RPS6KC1: variants seen among roughly 807,000 people sequenced by gnomAD.
RPS6KC1 encodes the protein ribosomal protein S6 kinase C1.
RPS6KC1 carries 54 observed loss-of-function variants against 103.8 expected under a neutral mutation model. That is an observed-to-expected ratio of 0.52 (90% CI 0.42 to 0.65). The LOEUF is 0.65. Ranked by LOEUF, RPS6KC1 falls within the 30% of genes least tolerant of loss-of-function variation. The pLI, the probability that RPS6KC1 is intolerant of heterozygous loss-of-function variation, is 0.00. For synonymous variants in RPS6KC1, 439 were observed against 438.7 expected, an observed-to-expected ratio of 1.00 and a Z score of -0.01; for missense variants, 1,151 against 1,253.8, an observed-to-expected ratio of 0.92 and a Z score of 1.24.
chr1:213,690,665 C>A, the RPS6KC1 span, among the ~76,000 whole-genome samples: 1 of 152,144 alleles, frequency 6.6e-6, no homozygotes, highest in Non-Finnish European at 1.5e-5. Context: ...CTGATTGTGA[C>A]TCTATTTGTT....
At chr1:213,841,645 T>C in the RPS6KC1 span, among the ~76,000 whole-genome samples, 1 of 152,148 alleles carries the variant, frequency 6.6e-6, no homozygotes, top group Non-Finnish European at 1.5e-5. Flanking sequence ...GTTTTATCCC[T>C]CATAGACATG....
At chr1:213,571,483 A>C in the RPS6KC1 span, among the ~76,000 whole-genome samples, 13 of 152,166 alleles carry the variant, frequency 8.5e-5, no homozygotes, top group East Asian at 1.9e-4. Flanking sequence ...TGGGTCAAGC[A>C]CATGGCATGG....
chr1:213,734,417 T>C, the RPS6KC1 span, among the ~76,000 whole-genome samples: 1 of 149,732 alleles, frequency 6.7e-6, no homozygotes, highest in Non-Finnish European at 1.5e-5. Flanking sequence ...TCTTAGCTTT[T>C]ACTAATATGT....
the RPS6KC1 span, among the ~76,000 whole-genome samples, chr1:213,292,373 C>T: frequency 6.6e-6 from 1 of 152,146 alleles, no homozygotes; most frequent in Non-Finnish European, 1.5e-5. Flanking sequence ...ATCTGAACCC[C>T]TACATTATAA....
the RPS6KC1 span, among the ~76,000 whole-genome samples, chr1:213,493,756 T>C: frequency 6.6e-6 from 1 of 152,132 alleles, no homozygotes; most frequent in Non-Finnish European, 1.5e-5. Context: ...GAATGAGAGA[T>C]TGTGGAGGAG....
the RPS6KC1 span, among the ~76,000 whole-genome samples, chr1:213,687,296 A>G: frequency 6.6e-6 from 1 of 152,178 alleles, no homozygotes; most frequent in African/African-American, 2.4e-5. Flanking sequence ...CCTGTTATAG[A>G]GAGGCTTAAA....
the RPS6KC1 span, among the ~76,000 whole-genome samples, chr1:213,569,800 A>G: frequency 5.9e-5 from 9 of 152,192 alleles, no homozygotes; most frequent in African/African-American, 1.9e-4. Context: ...TTAATCATTC[A>G]ACAAACAGGT....
intron 1 of RPS6KC1, among the ~76,000 whole-genome samples, chr1:213,068,483 CAAAA>C (rs71147057): frequency 4.4e-4 from 16 of 36,350 alleles, no homozygotes; most frequent in African/African-American, 1.4e-3. Context: ...GACTCTGTCT[CAAAA>C]AAAAAAAAAA....
chr1:213,766,477 T>A, the RPS6KC1 span, among the ~76,000 whole-genome samples: 256 of 152,316 alleles, frequency 1.7e-3, 2 homozygotes, highest in African/African-American at 5.8e-3. Flanking sequence ...CACAGGATTT[T>A]TCCAGTGTAC....
intron 12 of RPS6KC1, among the ~76,000 whole-genome samples, chr1:213,249,132 T>C (rs1268679135): frequency 6.6e-6 from 1 of 152,234 alleles, no homozygotes; most frequent in Non-Finnish European, 1.5e-5. Context: ...GTAATGCTTT[T>C]TATTTTTCGT....
the RPS6KC1 span, among the ~76,000 whole-genome samples, chr1:213,442,674 A>G: frequency 1.3e-5 from 2 of 152,184 alleles, no homozygotes; most frequent in Middle Eastern, 3.2e-3. Flanking sequence ...TTGTTTTGCC[A>G]TGGTGGTTGG....
chr1:213,549,220 G>T, the RPS6KC1 span, among the ~76,000 whole-genome samples: 1 of 152,174 alleles, frequency 6.6e-6, no homozygotes, highest in South Asian at 2.1e-4. Context: ...GGGTGCAGAA[G>T]GCAGGGACCC....
At chr1:213,204,743 C>T (rs2093285966) in intron 8 of RPS6KC1, among the ~76,000 whole-genome samples, 1 of 151,614 alleles carries the variant, frequency 6.6e-6, no homozygotes, top group African/African-American at 2.4e-5. Flanking sequence ...TCTACTTCAG[C>T]CTCCTGTGTA....
At chr1:213,177,087 C>T (rs1040635392) in intron 8 of RPS6KC1, among the ~76,000 whole-genome samples, 1 of 152,090 alleles carries the variant, frequency 6.6e-6, no homozygotes, top group Non-Finnish European at 1.5e-5. Flanking sequence ...TACACTAACC[C>T]CTCACTTCAC....
chr1:213,103,039 T>G (rs2082149564), intron 3 of RPS6KC1, among the ~76,000 whole-genome samples: 1 of 152,062 alleles, frequency 6.6e-6, no homozygotes, highest in Admixed American at 6.6e-5. Context: ...CGACCCTCTC[T>G]CTACAAAATA....
intron 1 of RPS6KC1, among the ~76,000 whole-genome samples, chr1:213,068,893 G>GTGTGTA (rs2148442660): frequency 6.7e-6 from 1 of 149,748 alleles, no homozygotes; most frequent in African/African-American, 2.5e-5. Flanking sequence ...GTGTGTGTGT[G>GTGTGTA]TGTGTGTGTG....
intron 5 of RPS6KC1, among the ~76,000 whole-genome samples, chr1:213,122,864 C>T (rs745820105): frequency 6.6e-6 from 1 of 151,884 alleles, no homozygotes; most frequent in Non-Finnish European, 1.5e-5. Context: ...GTCATTTTTT[C>T]CCCCCAAGAT....
intron 4 of RPS6KC1, among the ~76,000 whole-genome samples, chr1:213,114,657 A>C (rs943075004): frequency 3.8e-4 from 58 of 151,746 alleles, no homozygotes; most frequent in Admixed American, 7.2e-4. Flanking sequence ...GAATGCTTCC[A>C]GTTTTTGCCC....
the RPS6KC1 span, among the ~76,000 whole-genome samples, chr1:213,726,897 C>T: frequency 6.6e-6 from 1 of 152,284 alleles, no homozygotes; most frequent in South Asian, 2.1e-4. Context: ...GCAAATAAAC[C>T]CAGTGGCTTA....
Sources: allele counts gnomAD v4.1 joint callset (sites outside exome capture counted in the v4.1 genomes callset), GRCh38; gene constraint gnomAD v4.1.1; transcripts MANE v1.5; gene names NCBI Gene and HGNC (gene_info 2026-07-23, HGNC 2026-07-21).